TAFA1: variants seen among roughly 807,000 people sequenced by gnomAD.
TAFA1 encodes TAFA chemokine like family member 1.
Under a neutral mutation model 18.5 loss-of-function variants are expected in TAFA1, and 4 were observed. The observed-to-expected ratio is 0.22, with a 90% CI of 0.11 to 0.49. TAFA1 has a LOEUF of 0.49. TAFA1 is among the 20% of genes least tolerant of loss of function. TAFA1 has a pLI of 0.98. For synonymous variants in TAFA1, 56 were observed against 55.2 expected, an observed-to-expected ratio of 1.01 and a Z score of -0.06; for missense variants, 147 against 169.0, an observed-to-expected ratio of 0.87 and a Z score of 0.72.
intron 2 of TAFA1, among the ~76,000 whole-genome samples, chr3:68,370,472 G>GTGTGTA (rs1248560447): frequency 9.1e-5 from 3 of 33,032 alleles, no homozygotes; most frequent in African/African-American, 1.3e-4. Context: ...GTGTGTGTGT[G>GTGTGTA]TATATATATA....
chr3:68,195,299 G>A lies in TAFA1; in HGVS notation c.118+188555G>A, dbSNP rs138350104. Among the ~76,000 whole-genome samples the A allele has an allele frequency of 9.3e-3, 1,379 of 148,832 alleles. 26 individuals carry two copies. The highest frequency in any genetic ancestry group is 0.033 in the African/African-American group (1,328 of 40,328). On this transcript the variant is annotated intron_variant, in intron 2 of 4. Coordinates refer to ENST00000478136, the MANE Select transcript of TAFA1 (RefSeq NM_213609.4). ...TGTGCCCCAGGAAAATACAACATAA[G>A]GCTTCTTGTGCCTTTACACTACCCC...
chr3:68,340,773 A>G (rs1046015199), intron 2 of TAFA1, among the ~76,000 whole-genome samples: 1 of 152,186 alleles, frequency 6.6e-6, no homozygotes, highest in African/African-American at 2.4e-5. Flanking sequence ...CCTGTCTTAC[A>G]TGTTGGGATG....
intron 2 of TAFA1, among the ~76,000 whole-genome samples, chr3:68,378,511 A>T (rs560402615): frequency 6.6e-6 from 1 of 152,134 alleles, no homozygotes; most frequent in Non-Finnish European, 1.5e-5. Context: ...GGCAGAAGGG[A>T]CTTGCCTTCT....
chr3:68,329,216 CTTTTTT>C (rs10681423), intron 2 of TAFA1, among the ~76,000 whole-genome samples: 1 of 89,000 alleles, frequency 1.1e-5, no homozygotes, highest in African/African-American at 4.5e-5. Flanking sequence ...GCCTGGCTGC[CTTTTTT>C]TTTTTTTTTT....
At chr3:68,261,600 G>A (rs188860409) in intron 2 of TAFA1, among the ~76,000 whole-genome samples, 10 of 152,248 alleles carry the variant, frequency 6.6e-5, no homozygotes, top group African/African-American at 2.2e-4. Context: ...AAAATGATGA[G>A]TTCATGTCCT....
At chr3:68,509,757 A>G (rs1176789817) in intron 3 of TAFA1, among the ~76,000 whole-genome samples, 2 of 152,070 alleles carry the variant, frequency 1.3e-5, no homozygotes, top group Admixed American at 6.6e-5. Flanking sequence ...CTGTTTGGAG[A>G]GAATTACACA....
intron 2 of TAFA1, among the ~76,000 whole-genome samples, chr3:68,225,679 C>G (rs893979861): frequency 6.6e-6 from 1 of 152,148 alleles, no homozygotes; most frequent in South Asian, 2.1e-4. Flanking sequence ...AGTCCTGTCT[C>G]TATTATTTAC....
chr3:68,303,109 G>T (rs2068335492), intron 2 of TAFA1, among the ~76,000 whole-genome samples: 1 of 152,010 alleles, frequency 6.6e-6, no homozygotes, highest in Admixed American at 6.5e-5. Flanking sequence ...TCTATTATCA[G>T]CATTATTGTG....
intron 2 of TAFA1, among the ~76,000 whole-genome samples, chr3:68,120,030 A>T (rs1477531931): frequency 1.3e-5 from 2 of 152,164 alleles, no homozygotes; most frequent in African/African-American, 2.4e-5. Flanking sequence ...GAACTATGAA[A>T]TCCTTAAAAG....
intron 2 of TAFA1, among the ~76,000 whole-genome samples, chr3:68,170,969 G>C (rs559360253): frequency 6.6e-6 from 1 of 151,948 alleles, no homozygotes; most frequent in South Asian, 2.1e-4. Flanking sequence ...AAACAAGAAC[G>C]AATAGCAACA....
At chr3:68,324,212 G>A (rs1253584032) in intron 2 of TAFA1, among the ~76,000 whole-genome samples, 1 of 152,056 alleles carries the variant, frequency 6.6e-6, no homozygotes, top group East Asian at 1.9e-4. Flanking sequence ...TTTGTGGATT[G>A]TGTTTGTTTT....
chr3:68,082,331 TC>T (rs1313571918), intron 2 of TAFA1, among the ~76,000 whole-genome samples: 1 of 152,160 alleles, frequency 6.6e-6, no homozygotes, highest in Non-Finnish European at 1.5e-5. Flanking sequence ...CCATCTTGGC[TC>T]CTCCCCCCTG....
At chr3:68,247,458 G>C (rs1473788759) in intron 2 of TAFA1, 1 of 152,160 alleles carries the variant, frequency 6.6e-6, no homozygotes, top group Non-Finnish European at 1.5e-5. Context: ...GTTTTGCAGT[G>C]CTTTTTGCCT....
intron 2 of TAFA1, among the ~76,000 whole-genome samples, chr3:68,169,341 C>T (rs531356057): frequency 9.2e-5 from 14 of 152,312 alleles, no homozygotes; most frequent in East Asian, 5.8e-4. Flanking sequence ...AAGCTAGTGC[C>T]GAACTGCCAG....
chr3:68,505,225 A>G (rs1158191257), intron 3 of TAFA1, among the ~76,000 whole-genome samples: 1 of 152,154 alleles, frequency 6.6e-6, no homozygotes, highest in Non-Finnish European at 1.5e-5. Flanking sequence ...AACCAAACAC[A>G]AAAAGTTACA....
At chr3:68,297,087 G>A (rs920028648) in intron 2 of TAFA1, among the ~76,000 whole-genome samples, 3 of 152,102 alleles carry the variant, frequency 2.0e-5, no homozygotes, top group Non-Finnish European at 4.4e-5. Flanking sequence ...CATTCAAGGA[G>A]GTCAGAGCAA....
Position 68,504,983 on chromosome 3 carries a change from CAG to C in TAFA1, c.260-33770_260-33769del, listed in dbSNP as rs2072722349. Among the ~76,000 whole-genome samples, 3 of 152,068 alleles carry C rather than the reference CAG, an allele frequency of 2.0e-5. 1 individual carries two copies. The South Asian group carries it at 6.2e-4, about 32-fold the overall frequency. On this transcript the variant is annotated intron_variant, in intron 3 of 4. Coordinates refer to ENST00000478136, the MANE Select transcript of TAFA1 (RefSeq NM_213609.4). ...TTGTGGGCATGCAGAATGGTAAGAA[CAG>C]AGTGTGTCTTGTTGCGAGTAGGGGT...
At chr3:68,383,457 TG>T (rs1363746719) in intron 2 of TAFA1, among the ~76,000 whole-genome samples, 1 of 152,038 alleles carries the variant, frequency 6.6e-6, no homozygotes, top group Non-Finnish European at 1.5e-5. Context: ...TTTTGTCTTT[TG>T]TTTTGTTTAT....
intron 2 of TAFA1, among the ~76,000 whole-genome samples, chr3:68,174,174 G>C (rs2066094896): frequency 6.6e-6 from 1 of 152,146 alleles, no homozygotes; most frequent in Admixed American, 6.6e-5. Flanking sequence ...GAAAAGCATT[G>C]GTTTGCATGG....
Sources: allele counts gnomAD v4.1 joint callset (sites outside exome capture counted in the v4.1 genomes callset), GRCh38; gene constraint gnomAD v4.1.1; transcripts MANE v1.5; gene names NCBI Gene and HGNC (gene_info 2026-07-23, HGNC 2026-07-21).